Variants in NTM observed in about 807,000 individuals in gnomAD.
NTM encodes the protein IgLON family member 2.
In NTM, 13 loss-of-function variants were observed where a neutral mutation model predicts 42.1. That is an observed-to-expected ratio of 0.31 (90% confidence interval 0.20 to 0.49). NTM has a LOEUF of 0.49. NTM is among the 20% of genes least tolerant of loss of function. The probability of loss-of-function intolerance (pLI) is 0.99; values close to 1 mark genes in which losing one functional copy is unlikely to be tolerated. For synonymous variants in NTM, 187 were observed against 179.2 expected (o/e 1.04, Z -0.35); for missense variants, 373 against 452.8 (o/e 0.82, Z 1.60).
intron 1 of NTM, among the ~76,000 whole-genome samples, chr11:131,661,618 G>T (rs112051744): frequency 6.6e-6 from 1 of 152,188 alleles, no homozygotes; most frequent in South Asian, 2.1e-4. Context: ...ATTTCTAAAA[G>T]AGCTGGGGGC....
At chr11:132,316,195 T>C (rs2095425121) in intron 7 of NTM, among the ~76,000 whole-genome samples, 1 of 151,778 alleles carries the variant, frequency 6.6e-6, no homozygotes, top group Non-Finnish European at 1.5e-5. Context: ...ATCATGATTG[T>C]ATACTTCCCC....
intron 1 of NTM, among the ~76,000 whole-genome samples, chr11:131,524,698 C>G (rs2050215119): frequency 6.6e-6 from 1 of 152,170 alleles, no homozygotes; most frequent in Non-Finnish European, 1.5e-5. Context: ...CGTAATTTAG[C>G]AAATAAGTTG....
intron 3 of NTM, among the ~76,000 whole-genome samples, chr11:132,197,469 T>C (rs1440498228): frequency 1.3e-5 from 2 of 152,158 alleles, no homozygotes; most frequent in Non-Finnish European, 2.9e-5. Flanking sequence ...GTATTGTTTT[T>C]TTTTTAATTT....
chr11:132,032,553 G>A (rs566995), intron 2 of NTM, among the ~76,000 whole-genome samples: 66,158 of 151,938 alleles, frequency 0.44, 15,194 homozygotes, highest in African/African-American at 0.57. Flanking sequence ...TGATTGGGGA[G>A]GTAAGAGCCA....
chr11:132,288,494 A>C (rs988417110), intron 4 of NTM, among the ~76,000 whole-genome samples: 3 of 152,240 alleles, frequency 2.0e-5, no homozygotes, highest in African/African-American at 7.2e-5. Flanking sequence ...TGCATACATC[A>C]ATTCATGTAT....
chr11:131,462,241 T>C (rs1266779578), intron 1 of NTM, among the ~76,000 whole-genome samples: 2 of 151,928 alleles, frequency 1.3e-5, no homozygotes, highest in East Asian at 3.9e-4. Context: ...GGGTCTGGGG[T>C]TGTGGGATGA....
At chr11:131,959,343 C>A (rs772261463) in intron 2 of NTM, among the ~76,000 whole-genome samples, 11 of 152,152 alleles carry the variant, frequency 7.2e-5, no homozygotes, top group Non-Finnish European at 1.5e-4. Flanking sequence ...AAAAGATAGT[C>A]ATGGCCAGGC....
rs145891154 is a variant in NTM at position 132,192,032 on chromosome 11, C to T, written c.401-19990C>T. Among the ~76,000 whole-genome samples, 1,107 of 152,210 alleles carry T rather than the reference C, an allele frequency of 7.3e-3. 4 individuals are homozygous for T. Among genetic ancestry groups the T allele is most frequent in the Non-Finnish European group, 0.011 (751 of 68,010 alleles). On this transcript the variant is annotated intron_variant, in intron 3 of 8. Coordinates refer to ENST00000683400, the MANE Select transcript of NTM (RefSeq NM_001352005.2). Reference sequence around the variant, plus strand: ...TATGGGATTCTGTAAAGAGACCAAACCTACAACTCATTGGCATTCCTGAAA... The same window carrying T: ...TATGGGATTCTGTAAAGAGACCAAATCTACAACTCATTGGCATTCCTGAAA...
intron 1 of NTM, chr11:131,796,258 C>CTCTACTCCTGAGAGGGCTGGG: frequency 1.3e-6 from 1 of 788,786 alleles, no homozygotes; most frequent in Non-Finnish European, 1.5e-6. Flanking sequence ...GCGGCCCAGC[C>CTCTACTCCTGAGAGGGCTGGG]CTCTCAGGAG....
rs1485553614 is a variant in NTM at position 131,789,578 on chromosome 11, A to G, written c.83-121986A>G. 4.1e-4 allele frequency among the ~76,000 whole-genome samples: 23 copies of G among 55,776 alleles called. 1 individual carries two copies. Among genetic ancestry groups the G allele is most frequent in the East Asian group, 1.0e-3 (2 of 1,978 alleles). The allele number at this position is 55,776 out of a possible 152,430, so 36.6% of individuals were successfully genotyped here. A position where few individuals can be genotyped will look rare whatever the true frequency, so the allele number is the denominator to read the frequency against. ...GAAGAAGAAGAAGAAGAAGAAGAAG[A>G]AGAAGAAGAAGAAGAAGAAGAAGAA... is the stretch of plus-strand genomic sequence containing the variant. On this transcript the variant is annotated intron_variant, in intron 1 of 8. Coordinates refer to ENST00000683400, the MANE Select transcript of NTM (RefSeq NM_001352005.2).
intron 1 of NTM, among the ~76,000 whole-genome samples, chr11:131,884,993 C>T (rs1173650501): frequency 6.6e-6 from 1 of 152,152 alleles, no homozygotes; most frequent in African/African-American, 2.4e-5. Flanking sequence ...CCCAGCATTA[C>T]AGCTGGGTAA....
intron 1 of NTM, among the ~76,000 whole-genome samples, chr11:131,714,858 C>A (rs978117081): frequency 6.6e-6 from 1 of 151,994 alleles, no homozygotes; most frequent in Non-Finnish European, 1.5e-5. Context: ...TGCAGTTTCC[C>A]GTGGCTAAGA....
intron 1 of NTM, among the ~76,000 whole-genome samples, chr11:131,690,107 C>T (rs2074464475): frequency 6.6e-6 from 1 of 152,126 alleles, no homozygotes; most frequent in South Asian, 2.1e-4. Flanking sequence ...ACGTCTGTCC[C>T]TGAGCTCACC....
intron 1 of NTM, among the ~76,000 whole-genome samples, chr11:131,731,812 G>T (rs2079728607): frequency 6.6e-6 from 1 of 152,186 alleles, no homozygotes; most frequent in South Asian, 2.1e-4. Flanking sequence ...CTCAGAGATG[G>T]AGAATCTCCC....
intron 1 of NTM, among the ~76,000 whole-genome samples, chr11:131,825,900 C>T (rs976094191): frequency 6.6e-6 from 1 of 151,950 alleles, no homozygotes; most frequent in Admixed American, 6.6e-5. Context: ...GAGGAAACAG[C>T]GAATATGTTT....
chr11:132,195,470 C>A lies in NTM; in HGVS notation c.401-16552C>A, dbSNP rs371965922. Among the ~76,000 whole-genome samples, 77 of 133,900 alleles carry A rather than the reference C, an allele frequency of 5.8e-4. 2 individuals are homozygous for A. The highest frequency in any genetic ancestry group is 1.4e-3 in the African/African-American group (53 of 37,426). The allele number at this position is 133,900 out of a possible 152,430, so 87.8% of individuals were successfully genotyped here. ...AACTGTACTAAAATCTATATAGAAC[C>A]AAAAAAAAAAAAGACCCCATATAGC... On this transcript the variant is annotated intron_variant, in intron 3 of 8. Transcript: ENST00000683400.
rs1002175754 is a variant in NTM, at chr11:131,632,894, C to T, written c.82+262006C>T. 2.5e-4 allele frequency among the ~76,000 whole-genome samples: 37 copies of T among 147,158 alleles called. 1 individual carries two copies. Among genetic ancestry groups the T allele is most frequent in the East Asian group, 7.8e-4 (4 of 5,128 alleles). Reference sequence around the variant, plus strand: ...TTCACCGTGTTAGCCAGGATGGTCTCGATCTCCTGACCTCGTGATCCGCCC... The same window carrying T: ...TTCACCGTGTTAGCCAGGATGGTCTTGATCTCCTGACCTCGTGATCCGCCC... On this transcript the variant is annotated intron_variant, in intron 1 of 8. Coordinates refer to ENST00000683400, the MANE Select transcript of NTM (RefSeq NM_001352005.2).
At chr11:132,089,255 A>G (rs1594556508) in intron 2 of NTM, among the ~76,000 whole-genome samples, 1 of 151,948 alleles carries the variant, frequency 6.6e-6, no homozygotes, top group African/African-American at 2.4e-5. Context: ...TCACTGGAGC[A>G]CCTCCACTTT....
At chr11:131,739,936 C>G (rs533450353) in intron 1 of NTM, among the ~76,000 whole-genome samples, 52 of 152,190 alleles carry the variant, frequency 3.4e-4, no homozygotes, top group Admixed American at 1.6e-3. Flanking sequence ...GGGAGCTAAA[C>G]GCACAGTCTC....
Sources: allele counts gnomAD v4.1 joint callset (sites outside exome capture counted in the v4.1 genomes callset), GRCh38; gene constraint gnomAD v4.1.1; transcripts MANE v1.5; gene names NCBI Gene and HGNC (gene_info 2026-07-23, HGNC 2026-07-21).